The following MYRIP variants were observed in gnomAD, a reference collection of about 807,000 sequenced individuals.
MYRIP encodes rab effector MyRIP.
In MYRIP, 49 loss-of-function variants were observed where a neutral mutation model predicts 98.0. The ratio of observed to expected loss-of-function variants is 0.50; its 90% CI spans 0.40 to 0.63. The LOEUF (loss-of-function observed/expected upper bound fraction) is 0.63. Ranked by LOEUF, MYRIP falls within the 30% of genes least tolerant of loss-of-function variation. The probability of loss-of-function intolerance (pLI) is 0.00; values close to 1 mark genes in which losing one functional copy is unlikely to be tolerated. For missense variants in MYRIP, 1,004 were observed against 1,058.2 expected, an observed-to-expected ratio of 0.95 and a Z score of 0.71; for synonymous variants, 404 against 409.5, an observed-to-expected ratio of 0.99 and a Z score of 0.16.
chr3:39,867,632 A>G (rs1023477812), intron 1 of MYRIP, among the ~76,000 whole-genome samples: 2 of 152,204 alleles, frequency 1.3e-5, no homozygotes, highest in Non-Finnish European at 2.9e-5. Flanking sequence ...GGCCATTATC[A>G]AGAAACAAGA....
At chr3:40,007,773 G>A (rs942952840) in intron 2 of MYRIP, among the ~76,000 whole-genome samples, 2 of 152,176 alleles carry the variant, frequency 1.3e-5, no homozygotes, top group Non-Finnish European at 2.9e-5. Flanking sequence ...TTGAGAGCTA[G>A]GGAAGAGTTG....
intron 1 of MYRIP, among the ~76,000 whole-genome samples, chr3:39,844,540 A>G (rs1941903566): frequency 6.6e-6 from 1 of 152,230 alleles, no homozygotes; most frequent in African/African-American, 2.4e-5. Context: ...CTGGCCATGC[A>G]ACTGATATCT....
intron 1 of MYRIP, among the ~76,000 whole-genome samples, chr3:39,882,443 A>G (rs1025835346): frequency 5.3e-5 from 8 of 152,190 alleles, no homozygotes; most frequent in Non-Finnish European, 1.2e-4. Context: ...AGAGATTTAG[A>G]ACCCACAAAT....
At chr3:39,887,381 A>G (rs930032592) in intron 1 of MYRIP, among the ~76,000 whole-genome samples, 2 of 152,196 alleles carry the variant, frequency 1.3e-5, no homozygotes, top group Non-Finnish European at 2.9e-5. Flanking sequence ...AAACCATTCA[A>G]AAAATTAAGG....
At chr3:39,836,799 A>C (rs1022886458) in intron 1 of MYRIP, among the ~76,000 whole-genome samples, 3 of 152,222 alleles carry the variant, frequency 2.0e-5, no homozygotes, top group Non-Finnish European at 4.4e-5. Context: ...ACACTTGTGG[A>C]TAATTAACAT....
intron 1 of MYRIP, among the ~76,000 whole-genome samples, chr3:39,825,146 C>A (rs1026606797): frequency 5.3e-5 from 8 of 152,296 alleles, no homozygotes; most frequent in African/African-American, 1.9e-4. Flanking sequence ...TCTGCAGAGA[C>A]AACTTGACTT....
At chr3:40,023,278 T>C (rs898225745) in intron 2 of MYRIP, among the ~76,000 whole-genome samples, 17 of 152,218 alleles carry the variant, frequency 1.1e-4, no homozygotes, top group Non-Finnish European at 2.4e-4. Context: ...CTCTCTGATG[T>C]GTCAGTCAGG....
At chr3:40,176,914 A>AC (rs1253475931) in intron 8 of MYRIP, among the ~76,000 whole-genome samples, 1 of 144,296 alleles carries the variant, frequency 6.9e-6, no homozygotes, top group Non-Finnish European at 1.6e-5. Flanking sequence ...ATCTCAAAAA[A>AC]AAAAAAAAAA....
intron 3 of MYRIP, among the ~76,000 whole-genome samples, chr3:40,094,929 A>T (rs1948797498): frequency 6.6e-6 from 1 of 152,136 alleles, no homozygotes; most frequent in South Asian, 2.1e-4. Flanking sequence ...TCAGCCACTC[A>T]GCCTCAGAAA....
intron 2 of MYRIP, among the ~76,000 whole-genome samples, chr3:40,033,852 T>C (rs935507698): frequency 4.6e-5 from 7 of 152,220 alleles, no homozygotes; most frequent in Non-Finnish European, 8.8e-5. Context: ...CAAAACAGCA[T>C]GGTACTGGTA....
chr3:40,054,937 A>T (rs1315664027), intron 3 of MYRIP, among the ~76,000 whole-genome samples: 1 of 152,196 alleles, frequency 6.6e-6, no homozygotes, highest in Non-Finnish European at 1.5e-5. Context: ...AGATTCATGG[A>T]CCAAGGAACA....
intron 1 of MYRIP, among the ~76,000 whole-genome samples, chr3:39,882,956 TAAAATATGAGAGAAAAATAA>T (rs1396422920): frequency 6.6e-6 from 1 of 151,144 alleles, no homozygotes; most frequent in Non-Finnish European, 1.5e-5. Context: ...AAAAGCTGAA[TAAAATATGAGAGAAAAATAA>T]AAAATATGTC....
Position 40,142,635 on chromosome 3 carries a change from T to G in MYRIP, c.333-8413T>G, listed in dbSNP as rs75358174. On this transcript the variant is annotated intron_variant, in intron 3 of 16. Coordinates refer to ENST00000302541, the MANE Select transcript of MYRIP (RefSeq NM_015460.4). ...GTGCCACTGTGCCTGATTTTTGTAT[T>G]TTTTGTAGAGATGGGGCTTTGCCAT... Among the ~76,000 whole-genome samples, 4 of 152,188 alleles carry G rather than the reference T, an allele frequency of 2.6e-5. No homozygotes were observed. In the East Asian group the frequency reaches 7.8e-4, roughly 30 times the overall value.
chr3:40,147,650 C>A (rs984360025), intron 3 of MYRIP, among the ~76,000 whole-genome samples: 2 of 152,180 alleles, frequency 1.3e-5, no homozygotes, highest in Non-Finnish European at 2.9e-5. Context: ...CAAAATCATA[C>A]AACTTTTCAT....
chr3:39,997,764 A>T (rs1359062136), intron 2 of MYRIP, among the ~76,000 whole-genome samples: 3 of 152,230 alleles, frequency 2.0e-5, no homozygotes, highest in Non-Finnish European at 4.4e-5. Flanking sequence ...TCCCTAATGA[A>T]CATCGATGCA....
At chr3:39,981,291 C>A (rs1298304000) in intron 2 of MYRIP, among the ~76,000 whole-genome samples, 1 of 152,166 alleles carries the variant, frequency 6.6e-6, no homozygotes, top group Non-Finnish European at 1.5e-5. Flanking sequence ...ATATAGTGGA[C>A]TTCCTTATCT....
chr3:40,228,423 C>T (rs1952551658), intron 11 of MYRIP, among the ~76,000 whole-genome samples: 1 of 152,122 alleles, frequency 6.6e-6, no homozygotes, highest in Admixed American at 6.5e-5. Context: ...TTTTCATGGG[C>T]CCCTAAAGGA....
intron 10 of MYRIP, among the ~76,000 whole-genome samples, chr3:40,192,772 T>C (rs374636854): frequency 6.6e-6 from 1 of 152,134 alleles, no homozygotes; most frequent in Non-Finnish European, 1.5e-5. Flanking sequence ...TGGGGATAGC[T>C]CCTCAAAGCA....
chr3:40,070,458 A>G (rs963362090), intron 3 of MYRIP, among the ~76,000 whole-genome samples: 18 of 152,200 alleles, frequency 1.2e-4, no homozygotes, highest in Non-Finnish European at 2.2e-4. Context: ...ATGGATTACA[A>G]AGGCAAATGA....
Sources: gnomAD v4.1 joint callset for allele counts (sites outside exome capture counted in the v4.1 genomes callset) on GRCh38, gnomAD v4.1.1 for gene constraint, MANE v1.5 for transcripts, NCBI Gene and HGNC (gene_info 2026-07-23, HGNC 2026-07-21) for gene names.